Variants in CA2 observed in about 807,000 individuals in gnomAD.
The protein encoded by CA2 is carbonate dehydratase II.
Under a neutral mutation model 27.8 loss-of-function variants are expected in CA2, and 23 were observed. The observed-to-expected ratio is 0.83, with a 90% CI of 0.59 to 1.17. The LOEUF is 1.17. Among genes scored for constraint, CA2 ranks in the 50% most tolerant of loss-of-function variants. CA2 has a pLI of 0.00. For missense variants in CA2, 300 were observed against 314.7 expected (o/e 0.95, Z 0.35); for synonymous variants, 99 against 114.9 (o/e 0.86, Z 0.88).
At position 85,477,388 on chromosome 8, in the gene CA2, T is replaced by C. The variant is rs76261710; in HGVS notation, c.663+113T>C. 9.7e-3 allele frequency: 11,816 copies of C among 1,217,434 alleles called. 740 individuals are homozygous for C. In the African/African-American group the frequency reaches 0.15, roughly 16 times the overall value. 75.4% of individuals were successfully genotyped at this position (1,217,434 alleles called of 1,614,324 possible). A position where few individuals can be genotyped will look rare whatever the true frequency, so the allele number is the denominator to read the frequency against. ...ATTTAATCCTTCTCCTGCTACTTCT[T>C]GCTATGGAAATAGTGCCTTTGATGG... On this transcript the variant is annotated intron_variant, in intron 6 of 6. Transcript: ENST00000285379.
Position 85,464,025 on chromosome 8 carries a change from A to C in CA2, c.-57A>C. On this transcript the variant is annotated 5_prime_UTR_variant, in exon 1 of 7. Coordinates refer to ENST00000285379, the MANE Select transcript of CA2 (RefSeq NM_000067.3). ...CGCGGACACACAGTGCAGGCGCCCA[A>C]GCCGCCGCCGCCAGATCGGTGCCGA... 1 of 1,523,982 alleles carries C rather than the reference A, an allele frequency of 6.6e-7. No individual in the cohort carries two copies. Among genetic ancestry groups the C allele is most frequent in the Non-Finnish European group, 8.8e-7 (1 of 1,133,516 alleles). The allele number at this position is 1,523,982 out of a possible 1,614,324, so 94.4% of individuals were successfully genotyped here. A position where few individuals can be genotyped will look rare whatever the true frequency, so the allele number is the denominator to read the frequency against.
At chr8:85,479,564 G>A (rs1000472997) in intron 6 of CA2, among the ~76,000 whole-genome samples, 1 of 152,010 alleles carries the variant, frequency 6.6e-6, no homozygotes, top group Non-Finnish European at 1.5e-5. Flanking sequence ...TTGGTTAGAG[G>A]GGGGAAAGTA....
chr8:85,472,781 A>G (rs1180598920), intron 2 of CA2, among the ~76,000 whole-genome samples: 2 of 152,028 alleles, frequency 1.3e-5, no homozygotes, highest in Non-Finnish European at 2.9e-5. Flanking sequence ...ACTCAAGCTC[A>G]GGAGTTCCAG....
intron 2 of CA2, among the ~76,000 whole-genome samples, chr8:85,468,359 C>T (rs1305485436): frequency 6.6e-6 from 1 of 152,234 alleles, no homozygotes; most frequent in African/African-American, 2.4e-5. Context: ...GTAATTTTGC[C>T]TCTCTTTTCC....
rs1370390032 is a variant in CA2, at chr8:85,467,177, T to TA, written c.232+1714dup. The stretch of plus-strand genomic sequence containing the variant: ...AGCAGATGAGGTTCCTAATAGTCCT[T>TA]AAAAAATGGATAGTGAAATAAATTA... On this transcript the variant is annotated intron_variant, in intron 2 of 6. Transcript: ENST00000285379. Among the ~76,000 whole-genome samples the TA allele has an allele frequency of 2.6e-5, 4 of 152,112 alleles. 1 individual carries two copies. The highest frequency in any genetic ancestry group is 5.9e-5 in the Non-Finnish European group (4 of 68,022).
chr8:85,478,988 A>G (rs540886709), intron 6 of CA2, among the ~76,000 whole-genome samples: 11 of 152,308 alleles, frequency 7.2e-5, no homozygotes, highest in African/African-American at 2.6e-4. Context: ...CTCACTGGCT[A>G]GAATTGTGTT....
rs759693878 is a variant in CA2, at chr8:85,465,429, T to C, written c.192T>C (p.His64=). ...ATSLRILNNG[H]AFNVEFDDSQ... ...CCCTGAGGATCCTCAACAATGGTCATGCTTTCAACGTGGAGTTTGATGACT... is the reference window on the plus strand; with the variant it reads ...CCCTGAGGATCCTCAACAATGGTCACGCTTTCAACGTGGAGTTTGATGACT... The change falls in exon 2 of 7, where the codon CAT becomes CAC. Residue 64 remains histidine, a synonymous_variant. Coordinates refer to ENST00000285379, the MANE Select transcript of CA2 (RefSeq NM_000067.3). 6 of 1,614,130 alleles carry C rather than the reference T, an allele frequency of 3.7e-6. No individual in the cohort carries two copies. The highest frequency in any genetic ancestry group is 5.1e-6 in the Non-Finnish European group (6 of 1,180,044).
chr8:85,471,821 TAA>T (rs984227494), intron 2 of CA2, among the ~76,000 whole-genome samples: 1 of 152,118 alleles, frequency 6.6e-6, no homozygotes, highest in African/African-American at 2.4e-5. Context: ...CATTCTTTTT[TAA>T]AAAAGTCTAG....
chr8:85,470,121 A>G (rs1811693059), intron 2 of CA2, among the ~76,000 whole-genome samples: 1 of 152,160 alleles, frequency 6.6e-6, no homozygotes, highest in Admixed American at 6.6e-5. Flanking sequence ...TTTTACTCCT[A>G]TATAATTGCC....
chr8:85,473,834 T>G, intron 3 of CA2, 23 bp downstream of exon 3: 2 of 1,253,196 alleles, frequency 1.6e-6, no homozygotes, highest in Non-Finnish European at 2.3e-6. Flanking sequence ...TTTTTTTTTC[T>G]TTCCAGGGAA....
chr8:85,478,198 C>A (rs968942717), intron 6 of CA2, among the ~76,000 whole-genome samples: 13 of 152,182 alleles, frequency 8.5e-5, no homozygotes, highest in Admixed American at 7.9e-4. Context: ...AGAATCAGGC[C>A]TGGGAGCAAG....
chr8:85,475,802 G>A lies in CA2; in HGVS notation c.449G>A (p.Gly150Asp). 1.2e-6 allele frequency: 2 copies of A among 1,613,882 alleles called. No homozygotes were observed. Residue 150 changes from glycine to aspartate, a missense_variant, in exon 5 of 7, where the codon GGC (glycine) becomes GAC (aspartate). By Grantham distance (94) the Gly-to-Asp change is moderately conservative (BLOSUM62 -1). Around this residue, in one of 3 missense-constraint regions of CA2, gnomAD observed 173 missense variants for 161.0 expected, o/e 1.07. Coordinates refer to ENST00000285379, the MANE Select transcript of CA2 (RefSeq NM_000067.3). ...LAVLGIFLKV[G>D]SAKPGLQKVV... ...GCCCTTTATGTTTTTCTTTAGGTTG[G>A]CAGCGCTAAACCGGGCCTTCAGAAA...
intron 2 of CA2, 43 bp downstream of exon 2, chr8:85,465,512 G>T (rs1238934810): frequency 1.3e-6 from 2 of 1,513,318 alleles, no homozygotes; most frequent in Non-Finnish European, 1.8e-6. Flanking sequence ...GCCAGTAGCT[G>T]TTTTCCGAGC....
chr8:85,480,571 C>T, intron 6 of CA2, 99 bp from the exon 7 acceptor site: 1 of 1,241,794 alleles, frequency 8.1e-7, no homozygotes, highest in South Asian at 1.2e-5. Context: ...GCATGAGCCA[C>T]TGCGCCTGGC....
intron 2 of CA2, among the ~76,000 whole-genome samples, chr8:85,471,029 A>G (rs993157367): frequency 7.9e-5 from 12 of 152,190 alleles, no homozygotes; most frequent in Non-Finnish European, 1.6e-4. Context: ...GCAACAGTTT[A>G]GAAAATGGCA....
rs375215453 is a variant in CA2 at position 85,480,826 on chromosome 8, C to T, written c.*37C>T. ...AGTCTGTATCCAAATAATGAATCTT[C>T]GGGTGTTTCCCTTTAGCTAAGCACA... On this transcript the variant is annotated 3_prime_UTR_variant, in exon 7 of 7. Coordinates refer to ENST00000285379, the MANE Select transcript of CA2 (RefSeq NM_000067.3). 50 of 1,610,654 alleles carry T rather than the reference C, an allele frequency of 3.1e-5. No individual in the cohort carries two copies. The highest frequency in any genetic ancestry group is 2.5e-4 in the African/African-American group (19 of 74,784).
intron 6 of CA2, among the ~76,000 whole-genome samples, chr8:85,478,210 A>G (rs1811834765): frequency 6.6e-6 from 1 of 152,208 alleles, no homozygotes; most frequent in African/African-American, 2.4e-5. Context: ...GGGAGCAAGG[A>G]TTCTATTCCT....
Position 85,464,026 on chromosome 8 carries a change from G to A in CA2, c.-56G>A. The A allele has an allele frequency of 6.6e-7, 1 of 1,520,310 alleles. No homozygotes were observed. The highest frequency in any genetic ancestry group is 1.2e-5 in the South Asian group (1 of 83,360). 94.2% of individuals were successfully genotyped at this position (1,520,310 alleles called of 1,614,324 possible). A position where few individuals can be genotyped will look rare whatever the true frequency, so the allele number is the denominator to read the frequency against. On this transcript the variant is annotated 5_prime_UTR_variant, in exon 1 of 7. Transcript: ENST00000285379. ...GCGGACACACAGTGCAGGCGCCCAA[G>A]CCGCCGCCGCCAGATCGGTGCCGAT...
At position 85,465,479 on chromosome 8, in the gene CA2, T is replaced by C. The variant is rs1586010951; in HGVS notation, c.232+10T>C. The C allele has an allele frequency of 6.2e-7, 1 of 1,609,876 alleles. No individual in the cohort carries two copies. On this transcript the variant is annotated intron_variant, in intron 2 of 6. Coordinates refer to ENST00000285379, the MANE Select transcript of CA2 (RefSeq NM_000067.3). ...TCTCAGGACAAAGCAGGTCAGTGTT[T>C]AGAAAATAACTTGTGTCTTTTAGCC...
Sources: gnomAD v4.1 joint callset for allele counts (sites outside exome capture counted in the v4.1 genomes callset) on GRCh38, gnomAD v4.1.1 for gene constraint, gnomAD v4.1.1 regional missense constraint, MANE v1.5 for transcripts, NCBI Gene and HGNC (gene_info 2026-07-23, HGNC 2026-07-21) for gene names.